The following HEMK2 variants were observed in gnomAD, a reference collection of about 807,000 sequenced individuals.
The protein encoded by HEMK2 is HemK methyltransferase 2, ETF1 glutamine and histone H4 lysine.
chr21:28,749,070 A>C, the HEMK2 span, among the ~76,000 whole-genome samples: 1 of 152,204 alleles, frequency 6.6e-6, no homozygotes, highest in Non-Finnish European at 1.5e-5. Context: ...GGTGAGCTGC[A>C]TTCTGCTGTA....
At chr21:28,639,914 C>T in the HEMK2 span, among the ~76,000 whole-genome samples, 4 of 152,068 alleles carry the variant, frequency 2.6e-5, no homozygotes, top group African/African-American at 9.6e-5. Flanking sequence ...CCAGATTGAA[C>T]CAAGAGAAGG....
the HEMK2 span, among the ~76,000 whole-genome samples, chr21:28,581,563 C>T: frequency 3.9e-5 from 6 of 152,192 alleles, no homozygotes; most frequent in Non-Finnish European, 7.3e-5. Flanking sequence ...GAATATACTG[C>T]TTCCAGAGGA....
the HEMK2 span, among the ~76,000 whole-genome samples, chr21:28,821,803 T>G: frequency 6.6e-6 from 1 of 152,210 alleles, no homozygotes; most frequent in African/African-American, 2.4e-5. Context: ...TGTAATATAA[T>G]CAAATATATT....
At chr21:28,836,162 A>G in the HEMK2 span, among the ~76,000 whole-genome samples, 1 of 152,230 alleles carries the variant, frequency 6.6e-6, no homozygotes. Context: ...TCGCAAAAAG[A>G]TCTTCACCTA....
chr21:28,645,675 A>G, the HEMK2 span, among the ~76,000 whole-genome samples: 1 of 152,054 alleles, frequency 6.6e-6, no homozygotes, highest in Non-Finnish European at 1.5e-5. Context: ...GCAGGTGGGG[A>G]CTTTGGGAGT....
At chr21:28,602,017 T>C in the HEMK2 span, among the ~76,000 whole-genome samples, 12 of 152,312 alleles carry the variant, frequency 7.9e-5, no homozygotes, top group African/African-American at 1.9e-4. Context: ...TCATTGTACA[T>C]TGTCATCAGA....
the HEMK2 span, among the ~76,000 whole-genome samples, chr21:28,802,155 A>G: frequency 2.0e-5 from 3 of 152,226 alleles, no homozygotes; most frequent in African/African-American, 7.2e-5. Flanking sequence ...AGTTAAAAAC[A>G]TAATGAGTCA....
the HEMK2 span, among the ~76,000 whole-genome samples, chr21:28,673,533 A>G: frequency 4.8e-5 from 5 of 104,316 alleles, no homozygotes; most frequent in African/African-American, 2.1e-4. Flanking sequence ...AAAAAGCTAC[A>G]TAAGTGAAAA....
chr21:28,748,885 G>A, the HEMK2 span, among the ~76,000 whole-genome samples: 10 of 152,226 alleles, frequency 6.6e-5, no homozygotes, highest in East Asian at 1.2e-3. Context: ...CCAAACTCAC[G>A]GGGATATGTG....
At chr21:28,720,641 G>A in the HEMK2 span, among the ~76,000 whole-genome samples, 6 of 152,178 alleles carry the variant, frequency 3.9e-5, no homozygotes, top group African/African-American at 1.4e-4. Context: ...GCTGAGGCAG[G>A]AGAACTGCTT....
chr21:28,626,053 C>T, the HEMK2 span, among the ~76,000 whole-genome samples: 1 of 151,894 alleles, frequency 6.6e-6, no homozygotes, highest in African/African-American at 2.4e-5. Flanking sequence ...AGGATTGAAA[C>T]CCACAGGAAA....
chr21:28,696,304 TA>T, the HEMK2 span, among the ~76,000 whole-genome samples: 1 of 152,092 alleles, frequency 6.6e-6, no homozygotes, highest in Non-Finnish European at 1.5e-5. Flanking sequence ...AGGCATTGGG[TA>T]AATATACCCA....
At chr21:28,682,603 G>A in the HEMK2 span, among the ~76,000 whole-genome samples, 85 of 152,208 alleles carry the variant, frequency 5.6e-4, no homozygotes, top group South Asian at 1.7e-3. Flanking sequence ...ACATGCACAC[G>A]TATATTTATT....
the HEMK2 span, among the ~76,000 whole-genome samples, chr21:28,576,862 C>T: frequency 6.6e-6 from 1 of 152,174 alleles, no homozygotes; most frequent in African/African-American, 2.4e-5. Context: ...AGGCGCCTGC[C>T]ACCATACCTG....
the HEMK2 span, among the ~76,000 whole-genome samples, chr21:28,838,947 C>CAAAAAAAAAAAAAA: frequency 4.8e-5 from 1 of 20,974 alleles, no homozygotes; most frequent in Non-Finnish European, 8.6e-5. Context: ...AACTCCGCCT[C>CAAAAAAAAAAAAAA]AAAAAAAAAA....
At chr21:28,669,877 A>G in the HEMK2 span, among the ~76,000 whole-genome samples, 1 of 152,148 alleles carries the variant, frequency 6.6e-6, no homozygotes, top group Admixed American at 6.6e-5. Context: ...AGGAGTGGGA[A>G]CTCATGCTCC....
At chr21:28,620,655 CTT>C in the HEMK2 span, among the ~76,000 whole-genome samples, 1 of 65,538 alleles carries the variant, frequency 1.5e-5, no homozygotes, top group African/African-American at 6.2e-5. Context: ...ATTCTTCTCT[CTT>C]TTCTTTTTTT....
At chr21:28,645,782 A>C in the HEMK2 span, among the ~76,000 whole-genome samples, 1 of 152,178 alleles carries the variant, frequency 6.6e-6, no homozygotes, top group Non-Finnish European at 1.5e-5. Flanking sequence ...TGAGGACACA[A>C]GTAGAAAGTG....
At chr21:28,777,636 G>T in the HEMK2 span, among the ~76,000 whole-genome samples, 5 of 152,264 alleles carry the variant, frequency 3.3e-5, no homozygotes, top group South Asian at 1.0e-3. Flanking sequence ...GGATAGACCA[G>T]CAACTGTCAC....
Sources: allele counts gnomAD v4.1 joint callset (sites outside exome capture counted in the v4.1 genomes callset), GRCh38; gene constraint gnomAD v4.1.1; transcripts MANE v1.5; gene names NCBI Gene and HGNC (gene_info 2026-07-23, HGNC 2026-07-21).